Variants in DLGAP4 observed in about 807,000 individuals in gnomAD.
DLGAP4 encodes the protein DLG associated protein 4.
Under a neutral mutation model 86.9 loss-of-function variants are expected in DLGAP4, and 18 were observed. The ratio of observed to expected loss-of-function variants is 0.21; its 90% CI spans 0.14 to 0.31. The LOEUF is 0.31. Ranked by LOEUF, DLGAP4 falls within the 10% of genes least tolerant of loss-of-function variation. DLGAP4 has a pLI of 1.00. For missense variants in DLGAP4, 1,085 were observed against 1,362.6 expected (o/e 0.80, Z 3.21); for synonymous variants, 548 against 574.3 (o/e 0.95, Z 0.65).
chr20:36,414,498 G>C (rs1043815357), intron 2 of DLGAP4, among the ~76,000 whole-genome samples: 6 of 152,222 alleles, frequency 3.9e-5, no homozygotes, highest in African/African-American at 1.4e-4. Context: ...ACTTCTCCAA[G>C]CATGGCCAGG....
intron 2 of DLGAP4, among the ~76,000 whole-genome samples, chr20:36,430,267 A>G (rs1458405659): frequency 6.6e-6 from 1 of 151,964 alleles, no homozygotes; most frequent in African/African-American, 2.4e-5. Context: ...CCTGTTATTG[A>G]CTCTGAGAGC....
chr20:36,366,715 C>A (rs904756887), intron 1 of DLGAP4, among the ~76,000 whole-genome samples: 2 of 152,158 alleles, frequency 1.3e-5, no homozygotes, highest in Non-Finnish European at 2.9e-5. Context: ...TTCTCCCATC[C>A]GGGGAAAAGG....
At position 36,361,550 on chromosome 20, in the gene DLGAP4, G is replaced by A. The variant is rs2030520304; in HGVS notation, c.-303-5495G>A. Among the ~76,000 whole-genome samples, 8 of 152,192 alleles carry A rather than the reference G, an allele frequency of 5.3e-5. 1 individual carries two copies. The South Asian group carries it at 1.7e-3, about 32-fold the overall frequency. On this transcript the variant is annotated intron_variant, in intron 1 of 12. Coordinates refer to ENST00000339266, the MANE Select transcript of DLGAP4 (RefSeq NM_001365621.2). ...GGCTGCTGCAGAGAAGATGGGCCAG[G>A]GAGGCAGCCGGGCACCTAGGGAGGA...
chr20:36,421,978 G>A (rs559215931), intron 2 of DLGAP4, among the ~76,000 whole-genome samples: 6 of 152,230 alleles, frequency 3.9e-5, no homozygotes, highest in African/African-American at 1.2e-4. Flanking sequence ...GAGAGCACCC[G>A]GGTCCTCTAG....
intron 2 of DLGAP4, among the ~76,000 whole-genome samples, chr20:36,421,532 T>C (rs1385663377): frequency 6.6e-6 from 1 of 151,012 alleles, no homozygotes; most frequent in Non-Finnish European, 1.5e-5. Context: ...ACAGCAGTCA[T>C]CTGAGTGAGA....
rs1162811346 is a variant in DLGAP4 at position 36,527,717 on chromosome 20, C to G, written c.*686C>G. On this transcript the variant is annotated 3_prime_UTR_variant, in exon 13 of 13. Transcript: ENST00000339266. ...GCCCTGGGCAGTGTCAGGCAGGACT[C>G]ACTCACCGCTGAGCAGATGAGGGAA... 1 of 152,842 alleles carries G rather than the reference C, an allele frequency of 6.5e-6. No individual in the cohort carries two copies. Among genetic ancestry groups the G allele is most frequent in the Non-Finnish European group, 1.5e-5 (1 of 68,180 alleles). 9.5% of individuals were successfully genotyped at this position (152,842 alleles called of 1,614,324 possible). A position where few individuals can be genotyped will look rare whatever the true frequency, so the allele number is the denominator to read the frequency against.
chr20:36,320,830 A>G (rs1283068124), intron 1 of DLGAP4, among the ~76,000 whole-genome samples: 1 of 152,126 alleles, frequency 6.6e-6, no homozygotes, highest in Non-Finnish European at 1.5e-5. Context: ...CTAAGGCCAC[A>G]TCTCTCTAAC....
intron 1 of DLGAP4, among the ~76,000 whole-genome samples, chr20:36,349,079 GGC>G (rs1555893241): frequency 2.4e-4 from 29 of 120,708 alleles, no homozygotes; most frequent in South Asian, 1.2e-3. Context: ...CTCCAGCCTG[GGC>G]GTGACAGAAC....
rs189986367 is a variant in DLGAP4 at position 36,358,635 on chromosome 20, T to G, written c.-303-8410T>G. Among the ~76,000 whole-genome samples the G allele has an allele frequency of 1.2e-4, 19 of 152,152 alleles. No homozygotes were observed. In the East Asian group the frequency reaches 3.7e-3, roughly 29 times the overall value. On this transcript the variant is annotated intron_variant, in intron 1 of 12. Coordinates refer to ENST00000339266, the MANE Select transcript of DLGAP4 (RefSeq NM_001365621.2). ...TCCTGGCTAACACGGTGAAACCCTG[T>G]CTCTACTAAAAAAATACAAAAAATT...
intron 1 of DLGAP4, among the ~76,000 whole-genome samples, chr20:36,312,223 C>T (rs1055815488): frequency 2.0e-5 from 3 of 152,204 alleles, no homozygotes; most frequent in Non-Finnish European, 2.9e-5. Flanking sequence ...AGGCTTCTCA[C>T]GGGGCACGTG....
chr20:36,415,387 G>C (rs201893620), intron 2 of DLGAP4, among the ~76,000 whole-genome samples: 3 of 152,200 alleles, frequency 2.0e-5, no homozygotes, highest in African/African-American at 7.2e-5. Context: ...TGTGTGACTA[G>C]GCCAAATCTC....
intron 11 of DLGAP4, 28 bp from the exon 12 acceptor site, chr20:36,525,823 G>A (rs1190246215): frequency 3.7e-6 from 6 of 1,610,210 alleles, no homozygotes; most frequent in African/African-American, 1.3e-5. Context: ...TGCTGAGCTG[G>A]CCCCACTGAT....
At chr20:36,522,463 C>T (rs2147859348) in intron 10 of DLGAP4, among the ~76,000 whole-genome samples, 1 of 152,082 alleles carries the variant, frequency 6.6e-6, no homozygotes, top group South Asian at 2.1e-4. Context: ...GCCCAAGCCT[C>T]CTTTTTTAAT....
intron 2 of DLGAP4, among the ~76,000 whole-genome samples, chr20:36,422,303 G>A (rs1252910698): frequency 6.6e-6 from 1 of 152,154 alleles, no homozygotes; most frequent in East Asian, 1.9e-4. Flanking sequence ...TCAGCATTGA[G>A]CAGGACCACC....
Position 36,431,587 on chromosome 20 carries a change from G to A in DLGAP4, c.-72-59G>A, listed in dbSNP as rs556266733. On this transcript the variant is annotated intron_variant, in intron 2 of 12. Coordinates refer to ENST00000339266, the MANE Select transcript of DLGAP4 (RefSeq NM_001365621.2). The surrounding 1 kb of genome is among the most constrained non-coding windows in gnomAD (Gnocchi z 5.1). ...CTTGCGATCTGGATCTGACCTTCCC[G>A]GCACCCCTCCCCGACAATCCAGCTG... 63 of 1,062,724 alleles carry A rather than the reference G, an allele frequency of 5.9e-5. No individual in the cohort carries two copies. The highest frequency in any genetic ancestry group is 8.4e-5 in the South Asian group (5 of 59,366). 65.8% of individuals were successfully genotyped at this position (1,062,724 alleles called of 1,614,324 possible).
At chr20:36,492,473 G>A (rs2035707589) in intron 7 of DLGAP4, 1 of 152,374 alleles carries the variant, frequency 6.6e-6, no homozygotes, top group Non-Finnish European at 1.5e-5. Flanking sequence ...AGGGCTCAGG[G>A]CGTCTGAGGG....
Position 36,461,489 on chromosome 20 carries a change from C to A in DLGAP4, c.1648+14552C>A, listed in dbSNP as rs1337690823. 8.1e-6 allele frequency: 8 copies of A among 981,802 alleles called. No individual in the cohort carries two copies. In the South Asian group the frequency reaches 2.7e-4, roughly 33 times the overall value. The allele number at this position is 981,802 out of a possible 1,614,324, so 60.8% of individuals were successfully genotyped here. On this transcript the variant is annotated intron_variant, in intron 7 of 12. Transcript: ENST00000339266. Reference sequence around the variant, plus strand: ...GGGCGTACAAAACCGGAGCCTCGGGCCGGGCTGCGTGAGGGAGGAGGGTGA... The same window carrying A: ...GGGCGTACAAAACCGGAGCCTCGGGACGGGCTGCGTGAGGGAGGAGGGTGA...
intron 2 of DLGAP4, among the ~76,000 whole-genome samples, chr20:36,420,745 G>A (rs554715875): frequency 1.3e-5 from 2 of 151,416 alleles, no homozygotes; most frequent in East Asian, 2.0e-4. Flanking sequence ...AGGCCGAGGC[G>A]GGCGGATCAC....
chr20:36,344,150 G>C (rs1600417035), intron 1 of DLGAP4, among the ~76,000 whole-genome samples: 1 of 152,158 alleles, frequency 6.6e-6, no homozygotes, highest in Non-Finnish European at 1.5e-5. Flanking sequence ...TGGGAGTGTG[G>C]TGGGATAGAT....
Sources: gnomAD v4.1 joint callset for allele counts (sites outside exome capture counted in the v4.1 genomes callset) on GRCh38, gnomAD v4.1.1 for gene constraint, Gnocchi (gnomAD v3.1) non-coding constraint, MANE v1.5 for transcripts, NCBI Gene and HGNC (gene_info 2026-07-23, HGNC 2026-07-21) for gene names.